USH2A: variants seen among roughly 807,000 people sequenced by gnomAD.
USH2A encodes Usher syndrome 2A (autosomal recessive, mild).
A neutral mutation model predicts 538.9 loss-of-function variants in USH2A; 443 were observed. The ratio of observed to expected loss-of-function variants is 0.82; its 90% CI spans 0.76 to 0.89. The LOEUF is 0.89. USH2A is among the 40% of genes least tolerant of loss of function. The probability of loss-of-function intolerance (pLI) is 0.00; values close to 1 mark genes in which losing one functional copy is unlikely to be tolerated. For missense variants in USH2A, 6,633 were observed against 6,324.8 expected (o/e 1.05, Z -1.65); for synonymous variants, 2,413 against 2,273.5 (o/e 1.06, Z -1.75).
At chr1:216,292,677 G>A (rs2037025384) in intron 9 of USH2A, among the ~76,000 whole-genome samples, 1 of 152,024 alleles carries the variant, frequency 6.6e-6, no homozygotes, top group Non-Finnish European at 1.5e-5. Flanking sequence ...TTTTGAAAAA[G>A]AGATACAACG....
chr1:216,055,698 C>G (rs2030952369), intron 30 of USH2A, among the ~76,000 whole-genome samples: 2 of 151,946 alleles, frequency 1.3e-5, no homozygotes, highest in Non-Finnish European at 2.9e-5. Flanking sequence ...GGTTCTTAGC[C>G]CAGGAGGGTG....
At chr1:215,915,035 G>A (rs182666428) in intron 38 of USH2A, among the ~76,000 whole-genome samples, 9 of 152,184 alleles carry the variant, frequency 5.9e-5, no homozygotes, top group Non-Finnish European at 1.2e-4. Flanking sequence ...TGTACACCAG[G>A]CAATGGACTA....
intron 38 of USH2A, among the ~76,000 whole-genome samples, chr1:215,905,279 A>G (rs981043341): frequency 2.6e-5 from 4 of 152,010 alleles, no homozygotes; most frequent in African/African-American, 9.7e-5. Context: ...ACATCCCACC[A>G]ACATGTTACT....
intron 71 of USH2A, among the ~76,000 whole-genome samples, chr1:215,626,309 ATATG>A (rs957763142): frequency 1.5e-4 from 22 of 150,072 alleles, no homozygotes; most frequent in African/African-American, 3.7e-4. Context: ...CTATATATAT[ATATG>A]TATGTATGTA....
intron 21 of USH2A, among the ~76,000 whole-genome samples, chr1:216,143,449 A>T (rs1475950981): frequency 6.6e-6 from 1 of 152,208 alleles, no homozygotes; most frequent in African/African-American, 2.4e-5. Flanking sequence ...AAATCAATGA[A>T]CATTATTTGT....
chr1:216,095,432 T>C (rs1337932534), intron 22 of USH2A, among the ~76,000 whole-genome samples: 2 of 152,202 alleles, frequency 1.3e-5, no homozygotes, highest in Middle Eastern at 3.2e-3. Flanking sequence ...TTTTAAAAAT[T>C]TTTTTCAGTT....
chr1:215,995,714 G>A (rs528524805), intron 34 of USH2A, among the ~76,000 whole-genome samples: 81 of 152,250 alleles, frequency 5.3e-4, no homozygotes, highest in Non-Finnish European at 9.0e-4. Context: ...AAAATAAGTT[G>A]TTTTAACCAT....
At chr1:215,743,634 CTG>C (rs1314265676) in intron 58 of USH2A, among the ~76,000 whole-genome samples, 4 of 150,976 alleles carry the variant, frequency 2.6e-5, no homozygotes, top group Non-Finnish European at 5.9e-5. Context: ...GGAGACCATC[CTG>C]GCCAACATGG....
intron 38 of USH2A, among the ~76,000 whole-genome samples, chr1:215,916,518 G>A (rs941942874): frequency 1.3e-5 from 2 of 151,990 alleles, no homozygotes; most frequent in Non-Finnish European, 1.5e-5. Context: ...ACATTTCACG[G>A]AGAAATGGTA....
At chr1:216,418,001 T>C (rs1166338987) in intron 3 of USH2A, among the ~76,000 whole-genome samples, 4 of 152,070 alleles carry the variant, frequency 2.6e-5, no homozygotes, top group Non-Finnish European at 5.9e-5. Context: ...CAAACTGTGG[T>C]TGACAACTAA....
chr1:216,122,329 A>C (rs1348407272), intron 21 of USH2A, among the ~76,000 whole-genome samples: 1 of 152,210 alleles, frequency 6.6e-6, no homozygotes, highest in African/African-American at 2.4e-5. Flanking sequence ...ACACAGGCTA[A>C]AGAAAGAAGG....
At chr1:216,337,660 A>G (rs2037999417) in intron 4 of USH2A, among the ~76,000 whole-genome samples, 1 of 151,346 alleles carries the variant, frequency 6.6e-6, no homozygotes, top group Non-Finnish European at 1.5e-5. Flanking sequence ...AGATTGTTAA[A>G]GGAATGTCTA....
intron 40 of USH2A, among the ~76,000 whole-genome samples, chr1:215,897,110 T>C (rs928215570): frequency 1.3e-5 from 2 of 152,192 alleles, no homozygotes; most frequent in African/African-American, 2.4e-5. Context: ...TCCCTGTCCA[T>C]GATAACTTCT....
chr1:215,873,831 T>C (rs1664684803), intron 43 of USH2A, among the ~76,000 whole-genome samples: 1 of 151,452 alleles, frequency 6.6e-6, no homozygotes, highest in Admixed American at 6.6e-5. Context: ...CTGAGAAATG[T>C]ATAAATAATT....
rs140683818 is a variant in USH2A, at chr1:215,623,079, T to G, written c.*2702A>C. On this transcript the variant is annotated 3_prime_UTR_variant, in exon 72 of 72. Transcript: ENST00000307340. ...CCAGCATGATTTTTACATCAGTATA[T>G]GGTACCATAACATTAATATTTGGGT... 26 of 152,270 alleles carry G rather than the reference T, an allele frequency of 1.7e-4. No individual in the cohort carries two copies. The highest frequency in any genetic ancestry group is 4.6e-4 in the Admixed American group (7 of 15,290). 9.4% of individuals were successfully genotyped at this position (152,270 alleles called of 1,614,324 possible).
At chr1:216,175,652 A>T (rs1357767579) in intron 20 of USH2A, among the ~76,000 whole-genome samples, 170 bp from the exon 21 acceptor site, 1 of 152,242 alleles carries the variant, frequency 6.6e-6, no homozygotes, top group Non-Finnish European at 1.5e-5. Context: ...TATAGAGTTT[A>T]TCTTAAATGC....
At chr1:216,031,082 G>T (rs368353084) in intron 32 of USH2A, among the ~76,000 whole-genome samples, 3 of 151,902 alleles carry the variant, frequency 2.0e-5, no homozygotes, top group Non-Finnish European at 2.9e-5. Context: ...CAGCTTTAGA[G>T]ATTTTAATCC....
At chr1:215,924,135 G>A (rs998948829) in intron 38 of USH2A, among the ~76,000 whole-genome samples, 2 of 152,054 alleles carry the variant, frequency 1.3e-5, no homozygotes, top group Admixed American at 6.6e-5. Context: ...CAAAGTGTAA[G>A]AGGGATTAAT....
chr1:216,063,268 C>T lies in USH2A; in HGVS notation c.6049+6833G>A, dbSNP rs1450800954. Among the ~76,000 whole-genome samples the T allele has an allele frequency of 3.3e-5, 5 of 152,198 alleles. No homozygotes were observed. The East Asian group carries it at 9.6e-4, about 29-fold the overall frequency. On this transcript the variant is annotated intron_variant, in intron 30 of 71. Coordinates refer to ENST00000307340, the MANE Select transcript of USH2A (RefSeq NM_206933.4). ...GTCTCCACCAAATCCAGCTTTCTGGCTCTCTGCTTTATCAGCTCCTTCCAT... is the reference window on the plus strand; with the variant it reads ...GTCTCCACCAAATCCAGCTTTCTGGTTCTCTGCTTTATCAGCTCCTTCCAT...
Sources: gnomAD v4.1 joint callset for allele counts (sites outside exome capture counted in the v4.1 genomes callset) on GRCh38, gnomAD v4.1.1 for gene constraint, MANE v1.5 for transcripts, NCBI Gene and HGNC (gene_info 2026-07-23, HGNC 2026-07-21) for gene names.